The following MTM1 variants were observed in gnomAD, a reference collection of about 807,000 sequenced individuals.
MTM1 encodes myotubularin.
A neutral mutation model predicts 52.1 loss-of-function variants in MTM1; 9 were observed. The observed-to-expected ratio is 0.17, with a 90% CI of 0.10 to 0.30. MTM1 has a LOEUF of 0.30. Ranked by LOEUF, MTM1 falls within the 10% of genes least tolerant of loss-of-function variation. MTM1 has a pLI of 1.00. For missense variants in MTM1, 277 were observed against 470.7 expected, an observed-to-expected ratio of 0.59 and a Z score of 3.81; for synonymous variants, 136 against 163.8, an observed-to-expected ratio of 0.83 and a Z score of 1.29.
intron 6 of MTM1, among the ~76,000 whole-genome samples, chrX:150,624,914 T>A (rs1425100261): frequency 8.9e-6 from 1 of 111,976 alleles, no homozygotes; most frequent in Non-Finnish European, 1.9e-5. Flanking sequence ...GCACATGGAT[T>A]TTCTTGAATT....
chrX:150,568,467 GC>G (rs1557411301), upstream of MTM1, among the ~76,000 whole-genome samples: 1 of 113,642 alleles, frequency 8.8e-6, no homozygotes, highest in Non-Finnish European at 1.9e-5. Flanking sequence ...CTTCGGAGCT[GC>G]TCCCCAGGTC....
chrX:150,568,307 C>T (rs2148389762), upstream of MTM1, among the ~76,000 whole-genome samples: 1 of 113,486 alleles, frequency 8.8e-6, no homozygotes, highest in African/African-American at 3.2e-5. Flanking sequence ...GCCCGGCGCC[C>T]AGTCCAACTT....
At position 150,672,937 on chromosome X, in the gene MTM1, A is replaced by T. The variant is rs2040416364; in HGVS notation, c.*1342A>T. 8.9e-6 allele frequency: 1 copy of T among 112,594 alleles called. No individual in the cohort carries two copies. The highest frequency in any genetic ancestry group is 9.4e-5 in the Admixed American group (1 of 10,627). 9.3% of individuals were successfully genotyped at this position (112,594 alleles called of 1,213,427 possible). A position where few individuals can be genotyped will look rare whatever the true frequency, so the allele number is the denominator to read the frequency against. On this transcript the variant is annotated 3_prime_UTR_variant, in exon 15 of 15. Transcript: ENST00000370396. ...CATCTCAAATACAGTAGTATAATGT[A>T]TGAATTTTGTAAGTATAAGAAATTT...
At chrX:150,571,069 T>G (rs1189028962) in intron 1 of MTM1, among the ~76,000 whole-genome samples, 1 of 112,073 alleles carries the variant, frequency 8.9e-6, no homozygotes, top group African/African-American at 3.2e-5. Context: ...TGGTTCTTGC[T>G]CTTATTGAGG....
At chrX:150,581,922 A>G (rs1418797258) in intron 1 of MTM1, among the ~76,000 whole-genome samples, 2 of 112,432 alleles carry the variant, frequency 1.8e-5, no homozygotes, top group African/African-American at 6.5e-5. Context: ...GACAGGTAGT[A>G]GATGATCTGT....
chrX:150,569,570 G>A (rs1156233095), intron 1 of MTM1, among the ~76,000 whole-genome samples: 1 of 111,461 alleles, frequency 9.0e-6, no homozygotes, highest in African/African-American at 3.3e-5. Context: ...GGGAACTGAG[G>A]CCCAGAGAGG....
chrX:150,662,934 T>C (rs1198942375), intron 13 of MTM1, among the ~76,000 whole-genome samples: 1 of 112,188 alleles, frequency 8.9e-6, no homozygotes, highest in Non-Finnish European at 1.9e-5. Flanking sequence ...TTCAAAGATA[T>C]GGATGTTGAC....
intron 4 of MTM1, among the ~76,000 whole-genome samples, chrX:150,608,825 TGA>T (rs1569565419): frequency 0.053 from 5,833 of 109,303 alleles, 160 homozygotes; most frequent in Non-Finnish European, 0.073. Context: ...ATGATGATGA[TGA>T]TGATTATTAT....
intron 3 of MTM1, among the ~76,000 whole-genome samples, 176 bp from the exon 4 acceptor site, chrX:150,598,416 C>T (rs2039015155): frequency 8.9e-6 from 1 of 112,278 alleles, no homozygotes. Context: ...CCCACTACCC[C>T]AACTCAACCC....
chrX:150,618,129 C>T lies in MTM1; in HGVS notation c.343-909C>T, dbSNP rs1051691682. ...TGGTTTTGACTGTTTATTTTTAGTT[C>T]CCAAAAGTGTAGTTACTACTAATAT... On this transcript the variant is annotated intron_variant, in intron 5 of 14. Transcript: ENST00000370396. 5.4e-5 allele frequency among the ~76,000 whole-genome samples: 6 copies of T among 111,347 alleles called. No individual in the cohort carries two copies. In the East Asian group the frequency reaches 1.7e-3, roughly 31 times the overall value.
In MTM1 at chrX:150,590,231, C is replaced by T. The variant is rs947267862; in HGVS notation, c.-10-2374C>T. ...TCACTGATGAGATTTTAAAGTAAGC[C>T]TCATTGTGGAACTGGCACATGTTAT... is the stretch of plus-strand genomic sequence containing the variant. On this transcript the variant is annotated intron_variant, in intron 1 of 14. Coordinates refer to ENST00000370396, the MANE Select transcript of MTM1 (RefSeq NM_000252.3). Among the ~76,000 whole-genome samples the T allele has an allele frequency of 2.7e-5, 3 of 111,921 alleles. No individual in the cohort carries two copies. In the Admixed American group the frequency reaches 2.8e-4, roughly 11 times the overall value.
At chrX:150,583,908 ATAT>A (rs1569565352) in intron 1 of MTM1, among the ~76,000 whole-genome samples, 6 of 45,758 alleles carry the variant, frequency 1.3e-4, no homozygotes, top group African/African-American at 3.6e-4. Context: ...ATATATATAT[ATAT>A]AATATAAAAT....
In MTM1 at chrX:150,660,474, G is replaced by A. The variant is rs782032230; in HGVS notation, c.1457G>A (p.Arg486Gln). The change falls in exon 13 of 15, where the codon CGA (arginine) becomes CAA (glutamine). Residue 486 changes from arginine (R) to glutamine (Q), a missense_variant. Transcript: ENST00000370396. The stretch of plus-strand genomic sequence containing the variant: ...TTCTTATTCAACTGTGAATCTGCTC[G>A]AGAAAGACAGGTGAGTTAAAATGCT... ...GTFLFNCESA[R>Q]ERQKVTERTV... 5 of 1,169,471 alleles carry A rather than the reference G, an allele frequency of 4.3e-6. No homozygotes were observed. The highest frequency in any genetic ancestry group is 3.5e-5 in the African/African-American group (2 of 56,447).
intron 1 of MTM1, among the ~76,000 whole-genome samples, chrX:150,573,976 C>T (rs1428403239): frequency 9.0e-6 from 1 of 111,552 alleles, no homozygotes; most frequent in Non-Finnish European, 1.9e-5. Flanking sequence ...GGTTATGTGA[C>T]TAGGAGGATA....
At chrX:150,581,697 G>T (rs962736945) in intron 1 of MTM1, among the ~76,000 whole-genome samples, 3 of 111,822 alleles carry the variant, frequency 2.7e-5, no homozygotes, top group Non-Finnish European at 3.8e-5. Context: ...ATCTATGAGA[G>T]AATGAGAATG....
At chrX:150,566,639 A>G (rs1420287034), upstream of MTM1, among the ~76,000 whole-genome samples, 2 of 110,076 alleles carry the variant, frequency 1.8e-5, no homozygotes, top group Non-Finnish European at 3.8e-5. Context: ...ACCCTGGAAA[A>G]ATCTTCAGGA....
intron 10 of MTM1, among the ~76,000 whole-genome samples, chrX:150,650,342 C>T (rs2039999757): frequency 9.1e-6 from 1 of 110,147 alleles, no homozygotes; most frequent in African/African-American, 3.3e-5. Context: ...TATGTTCAAT[C>T]CTTTATCCTG....
At chrX:150,657,757 A>T in intron 10 of MTM1, 64 bp from the exon 11 acceptor site, 7 of 1,041,029 alleles carry the variant, frequency 6.7e-6, no homozygotes, top group Non-Finnish European at 9.4e-6. Flanking sequence ...TCTAAGTTTA[A>T]AAACTATCAA....
intron 4 of MTM1, among the ~76,000 whole-genome samples, chrX:150,605,784 A>G (rs1270650565): frequency 9.0e-6 from 1 of 111,575 alleles, no homozygotes; most frequent in Non-Finnish European, 1.9e-5. Context: ...TGTGCCATCT[A>G]AGAGCTGGGT....
Sources: gnomAD v4.1 joint callset for allele counts (sites outside exome capture counted in the v4.1 genomes callset) on GRCh38, gnomAD v4.1.1 for gene constraint, MANE v1.5 for transcripts, NCBI Gene and HGNC (gene_info 2026-07-23, HGNC 2026-07-21) for gene names.